LONP2: variants seen among roughly 807,000 people sequenced by gnomAD.
LONP2 encodes lon protease homolog 2, peroxisomal.
A neutral mutation model predicts 85.6 loss-of-function variants in LONP2; 60 were observed. The ratio of observed to expected loss-of-function variants is 0.70; its 90% CI spans 0.57 to 0.87. LONP2 has a LOEUF of 0.87. LONP2 is among the 40% of genes least tolerant of loss of function. The probability of loss-of-function intolerance (pLI) is 0.00; values close to 1 mark genes in which losing one functional copy is unlikely to be tolerated. For missense variants in LONP2, 860 were observed against 1,063.5 expected, an observed-to-expected ratio of 0.81 and a Z score of 2.66; for synonymous variants, 395 against 389.7, an observed-to-expected ratio of 1.01 and a Z score of -0.16.
intron 8 of LONP2, among the ~76,000 whole-genome samples, chr16:48,292,613 T>C (rs1431962009): frequency 2.0e-5 from 3 of 152,376 alleles, no homozygotes; most frequent in South Asian, 4.1e-4. Flanking sequence ...CAAAGTAAAC[T>C]GCAGCCTAAC....
chr16:48,256,836 A>T, intron 3 of LONP2, 95 bp downstream of exon 3: 1 of 1,134,506 alleles, frequency 8.8e-7, no homozygotes, highest in Non-Finnish European at 1.3e-6. Context: ...AGAAAAAGAT[A>T]TTGGAGACCC....
At chr16:48,333,064 A>G (rs1959509921) in intron 11 of LONP2, among the ~76,000 whole-genome samples, 1 of 152,236 alleles carries the variant, frequency 6.6e-6, no homozygotes, top group Admixed American at 6.5e-5. Context: ...AAGTTAGAAC[A>G]ATTACGGCAA....
intron 7 of LONP2, among the ~76,000 whole-genome samples, chr16:48,276,379 G>A (rs1443422708): frequency 6.6e-6 from 1 of 152,142 alleles, no homozygotes; most frequent in Non-Finnish European, 1.5e-5. Context: ...AGGTAACTGT[G>A]GCTGTTCCAC....
intron 6 of LONP2, among the ~76,000 whole-genome samples, chr16:48,264,193 C>T (rs79391662): frequency 0.014 from 2,118 of 152,210 alleles, 47 homozygotes; most frequent in African/African-American, 0.047. Flanking sequence ...TTTGAGATAA[C>T]GGATCTGACC....
In LONP2 at chr16:48,310,847, C is replaced by T. The variant is rs144249749; in HGVS notation, c.1795+7542C>T. Among the ~76,000 whole-genome samples the T allele has an allele frequency of 1.8e-4, 28 of 152,286 alleles. No homozygotes were observed. In the East Asian group the frequency reaches 5.2e-3, roughly 28 times the overall value. Reference sequence around the variant, plus strand: ...ACTTCTTTAAATATTTCTCATAGGACCAATCAAGTGGTGATGAATTCCCTC... The same window carrying T: ...ACTTCTTTAAATATTTCTCATAGGATCAATCAAGTGGTGATGAATTCCCTC... On this transcript the variant is annotated intron_variant, in intron 11 of 14. Transcript: ENST00000285737.
At chr16:48,342,031 C>G (rs1198022000) in intron 12 of LONP2, among the ~76,000 whole-genome samples, 1 of 152,166 alleles carries the variant, frequency 6.6e-6, no homozygotes, top group Admixed American at 6.5e-5. Context: ...TGCCGGAAAT[C>G]AGGCTAGTTT....
At chr16:48,277,514 C>T in intron 8 of LONP2, 35 bp downstream of exon 8, 1 of 1,602,910 alleles carries the variant, frequency 6.2e-7, no homozygotes, top group Non-Finnish European at 8.5e-7. Context: ...TGTCTTCATA[C>T]TGGAAGAGTA....
chr16:48,302,084 A>G (rs1596964587), intron 10 of LONP2, among the ~76,000 whole-genome samples: 1 of 152,222 alleles, frequency 6.6e-6, no homozygotes, highest in South Asian at 2.1e-4. Flanking sequence ...TTATGACTGT[A>G]TCTCTAGATT....
intron 3 of LONP2, 74 bp from the exon 4 acceptor site, chr16:48,258,544 C>A: frequency 6.9e-7 from 1 of 1,451,702 alleles, no homozygotes; most frequent in South Asian, 1.4e-5. Context: ...CAATTTAAAC[C>A]ATGGCTCTGA....
rs9934175 is a variant in LONP2, at chr16:48,329,661, T to C, written c.1796-4555T>C. ...TATCCACCGTGGGTCTGGAAATGTATCGCCTGTGGAGAAGGGGTGACTACT... is the reference window on the plus strand; with the variant it reads ...TATCCACCGTGGGTCTGGAAATGTACCGCCTGTGGAGAAGGGGTGACTACT... On this transcript the variant is annotated intron_variant, in intron 11 of 14. Transcript: ENST00000285737. Among the ~76,000 whole-genome samples, 655 of 152,322 alleles carry C rather than the reference T, an allele frequency of 4.3e-3. 3 individuals carry two copies. The highest frequency in any genetic ancestry group is 0.015 in the African/African-American group (620 of 41,560).
chr16:48,288,327 G>C (rs1008214674), intron 8 of LONP2, among the ~76,000 whole-genome samples: 1 of 151,816 alleles, frequency 6.6e-6, no homozygotes, highest in African/African-American at 2.4e-5. Flanking sequence ...CTAATTTTTT[G>C]TATCTTTAGT....
intron 8 of LONP2, among the ~76,000 whole-genome samples, chr16:48,293,028 G>A (rs1972588012): frequency 6.6e-6 from 1 of 152,042 alleles, no homozygotes; most frequent in Admixed American, 6.5e-5. Context: ...AAAAACGCTA[G>A]TGTCTTAAAA....
chr16:48,347,753 A>T (rs1371877557), intron 13 of LONP2, 39 bp downstream of exon 13: 1 of 1,573,656 alleles, frequency 6.4e-7, no homozygotes, highest in South Asian at 1.1e-5. Context: ...GTGACCCAGG[A>T]GGCGGTACCT....
chr16:48,328,826 CA>C (rs199733293), intron 11 of LONP2, among the ~76,000 whole-genome samples: 1,019 of 73,954 alleles, frequency 0.014, 15 homozygotes, highest in African/African-American at 0.044. Context: ...GCCTCTGTCT[CA>C]AAAAAAAAAG....
intron 11 of LONP2, among the ~76,000 whole-genome samples, chr16:48,307,676 A>T (rs1321589066): frequency 6.6e-6 from 1 of 152,344 alleles, no homozygotes; most frequent in African/African-American, 2.4e-5. Flanking sequence ...TTATTTTCAT[A>T]GAAGTCACCT....
intron 11 of LONP2, among the ~76,000 whole-genome samples, chr16:48,323,757 T>C (rs1240565404): frequency 1.3e-5 from 2 of 152,096 alleles, no homozygotes; most frequent in Non-Finnish European, 2.9e-5. Flanking sequence ...GTAGGTAAAC[T>C]TGAAAGAAAA....
rs367838343 is a variant in LONP2 at position 48,303,499 on chromosome 16, G to A, written c.1795+194G>A. Among the ~76,000 whole-genome samples, 24 of 152,304 alleles carry A rather than the reference G, an allele frequency of 1.6e-4. No homozygotes were observed. The South Asian group carries it at 4.3e-3, about 28-fold the overall frequency. On this transcript the variant is annotated intron_variant, in intron 11 of 14. Coordinates refer to ENST00000285737, the MANE Select transcript of LONP2 (RefSeq NM_031490.5). Reference sequence around the variant, plus strand: ...TCCAGAGGATTGTCTTTTACAAATAGCACAGTTTTAACTGGAATAATAATA... The same window carrying A: ...TCCAGAGGATTGTCTTTTACAAATAACACAGTTTTAACTGGAATAATAATA...
intron 11 of LONP2, among the ~76,000 whole-genome samples, chr16:48,311,173 G>A (rs772825350): frequency 1.3e-5 from 2 of 152,148 alleles, no homozygotes; most frequent in Non-Finnish European, 2.9e-5. Flanking sequence ...TTTGTTGAGC[G>A]TCTTGTATCT....
intron 4 of LONP2, among the ~76,000 whole-genome samples, chr16:48,261,183 GTAT>G (rs1971866605): frequency 6.6e-6 from 1 of 152,102 alleles, no homozygotes; most frequent in Non-Finnish European, 1.5e-5. Context: ...TCTCATGCAA[GTAT>G]TATTGTAAGC....
Sources: gnomAD v4.1 joint callset for allele counts (sites outside exome capture counted in the v4.1 genomes callset) on GRCh38, gnomAD v4.1.1 for gene constraint, MANE v1.5 for transcripts, NCBI Gene and HGNC (gene_info 2026-07-23, HGNC 2026-07-21) for gene names.